Variants in MVB12B observed in about 807,000 individuals in gnomAD.
The protein encoded by MVB12B is multivesicular body subunit 12B, also known as ESCRT-I complex subunit MVB12B.
MVB12B carries 16 observed loss-of-function variants against 41.6 expected under a neutral mutation model. The observed-to-expected ratio is 0.38, with a 90% confidence interval of 0.26 to 0.58. The LOEUF (loss-of-function observed/expected upper bound fraction) is 0.58. Among genes scored for constraint, MVB12B ranks in the 20% least tolerant of loss-of-function variants. The pLI is 0.62. For missense variants in MVB12B, 274 were observed against 380.2 expected, an observed-to-expected ratio of 0.72 and a Z score of 2.32; for synonymous variants, 133 against 139.7, an observed-to-expected ratio of 0.95 and a Z score of 0.34.
At position 126,389,477 on chromosome 9, in the gene MVB12B, TG is replaced by T. The variant is rs1427819865; in HGVS notation, c.410-2588del. 6.6e-6 allele frequency among the ~76,000 whole-genome samples: 1 copy of T among 152,236 alleles called. No individual in the cohort carries two copies. Among genetic ancestry groups the T allele is most frequent in the Non-Finnish European group, 1.5e-5 (1 of 68,038 alleles). Reference sequence around the variant, plus strand: ...CTTTCTCTGTGTTCATTAGCATGACTGAACACATTTCTATTGACTATGTATA... The same window carrying T: ...CTTTCTCTGTGTTCATTAGCATGACTAACACATTTCTATTGACTATGTATA... On this transcript the variant is annotated intron_variant, in intron 4 of 9. Transcript: ENST00000361171. This position sits in a 1 kb window ranked among gnomAD's most constrained non-coding sequence, Gnocchi z 4.4.
At chr9:126,413,415 C>T (rs188491127) in intron 6 of MVB12B, among the ~76,000 whole-genome samples, 101 of 152,240 alleles carry the variant, frequency 6.6e-4, no homozygotes, top group African/African-American at 2.0e-3. Context: ...GACAGGTACA[C>T]GCTGTAAACA....
At chr9:126,491,062 T>C (rs1479734334) in intron 9 of MVB12B, among the ~76,000 whole-genome samples, 2 of 152,350 alleles carry the variant, frequency 1.3e-5, no homozygotes, top group Middle Eastern at 3.4e-3. Flanking sequence ...CTGACATCTT[T>C]ATGTGTTTGT....
In MVB12B at chr9:126,478,400, C is replaced by T. The variant is rs73583117; in HGVS notation, c.758-2969C>T. Among the ~76,000 whole-genome samples, 2,317 of 152,250 alleles carry T rather than the reference C, an allele frequency of 0.015. 37 individuals carry two copies. The highest frequency in any genetic ancestry group is 0.044 in the African/African-American group (1,823 of 41,540). On this transcript the variant is annotated intron_variant, in intron 7 of 9. Coordinates refer to ENST00000361171, the MANE Select transcript of MVB12B (RefSeq NM_033446.3). The surrounding 1 kb of genome is among the most constrained non-coding windows in gnomAD (Gnocchi z 4.2). ...CCCTGTCCAGCACAGCCCCTGAGCC[C>T]CCAGGCCCTGCCCCTGGGCTGGGGA...
chr9:126,463,984 C>A (rs142365306), intron 7 of MVB12B, among the ~76,000 whole-genome samples: 5 of 152,308 alleles, frequency 3.3e-5, no homozygotes, highest in Non-Finnish European at 7.4e-5. Flanking sequence ...GGAATGTCCC[C>A]GTTTCACAGA....
chr9:126,463,555 T>C (rs1410846108), intron 7 of MVB12B, among the ~76,000 whole-genome samples: 1 of 152,168 alleles, frequency 6.6e-6, no homozygotes, highest in East Asian at 1.9e-4. Context: ...AGGTCTCTCT[T>C]TATTTGGTCT....
rs1441975670 is a variant in MVB12B, at chr9:126,376,767, C to T, written c.205-4297C>T. 27 of 1,216,556 alleles carry T rather than the reference C, an allele frequency of 2.2e-5. 1 individual carries two copies. Among genetic ancestry groups the T allele is most frequent in the Middle Eastern group, 3.1e-4 (1 of 3,242 alleles). The allele number at this position is 1,216,556 out of a possible 1,614,324, so 75.4% of individuals were successfully genotyped here. A position where few individuals can be genotyped will look rare whatever the true frequency, so the allele number is the denominator to read the frequency against. On this transcript the variant is annotated intron_variant, in intron 2 of 9. Coordinates refer to ENST00000361171, the MANE Select transcript of MVB12B (RefSeq NM_033446.3). The surrounding 1 kb of genome is among the most constrained non-coding windows in gnomAD (Gnocchi z 4.1). ...ACCTCCAGCCTCCTTCCCCACCTGC[C>T]GGGCTTGTAGAGTCCTGAGCTGTGC...
intron 6 of MVB12B, among the ~76,000 whole-genome samples, chr9:126,407,684 C>A (rs1040229793): frequency 3.3e-5 from 5 of 151,970 alleles, no homozygotes; most frequent in Non-Finnish European, 7.4e-5. Context: ...GCGAGGGGGG[C>A]GACAGGGAAT....
At position 126,486,011 on chromosome 9, in the gene MVB12B, A is replaced by T. The variant is rs1445383192; in HGVS notation, c.873+1979A>T. 1.3e-5 allele frequency among the ~76,000 whole-genome samples: 2 copies of T among 152,140 alleles called. No homozygotes were observed. Among genetic ancestry groups the T allele is most frequent in the Non-Finnish European group, 2.9e-5 (2 of 68,034 alleles). ...GGGGTTTTCTCTTGTGTACCCAGCT[A>T]GCAGAAGCCGGCTGCATTATTGAAA... is the stretch of plus-strand genomic sequence containing the variant. On this transcript the variant is annotated intron_variant, in intron 9 of 9. Coordinates refer to ENST00000361171, the MANE Select transcript of MVB12B (RefSeq NM_033446.3). This position sits in a 1 kb window ranked among gnomAD's most constrained non-coding sequence, Gnocchi z 4.7.
intron 4 of MVB12B, among the ~76,000 whole-genome samples, chr9:126,387,260 T>C (rs1247063259): frequency 6.6e-6 from 1 of 152,210 alleles, no homozygotes; most frequent in Non-Finnish European, 1.5e-5. Context: ...TAAATGGTGC[T>C]GGAAAACCTC....
At chr9:126,348,204 A>G (rs1829650953) in intron 2 of MVB12B, among the ~76,000 whole-genome samples, 1 of 152,208 alleles carries the variant, frequency 6.6e-6, no homozygotes, top group African/African-American at 2.4e-5. Flanking sequence ...TTAAGCTGAG[A>G]TTTACTGAAA....
chr9:126,359,590 G>C (rs1434424817), intron 2 of MVB12B, among the ~76,000 whole-genome samples: 1 of 152,134 alleles, frequency 6.6e-6, no homozygotes, highest in East Asian at 1.9e-4. Context: ...GTGTCATTCA[G>C]GTTATCTATT....
At position 126,478,739 on chromosome 9, in the gene MVB12B, C is replaced by T. The variant is rs1393972927; in HGVS notation, c.758-2630C>T. On this transcript the variant is annotated intron_variant, in intron 7 of 9. Coordinates refer to ENST00000361171, the MANE Select transcript of MVB12B (RefSeq NM_033446.3). This position sits in a 1 kb window ranked among gnomAD's most constrained non-coding sequence, Gnocchi z 4.2. The stretch of plus-strand genomic sequence containing the variant: ...CTAGGGAGGCCTCCCATGGGAGGAG[C>T]CCCCTTCCTCTCTGCCACCCCCAGT... 6.6e-6 allele frequency among the ~76,000 whole-genome samples: 1 copy of T among 152,066 alleles called. No homozygotes were observed. Among genetic ancestry groups the T allele is most frequent in the African/African-American group, 2.4e-5 (1 of 41,420 alleles).
chr9:126,368,973 C>T (rs12376637), intron 2 of MVB12B, among the ~76,000 whole-genome samples: 6,719 of 152,196 alleles, frequency 0.044, 179 homozygotes, highest in Middle Eastern at 0.075. Context: ...TTTCTAGACT[C>T]GCGTGTGTAG....
intron 6 of MVB12B, among the ~76,000 whole-genome samples, chr9:126,401,488 C>G (rs992564582): frequency 3.3e-5 from 5 of 152,260 alleles, no homozygotes; most frequent in Non-Finnish European, 7.3e-5. Flanking sequence ...CTGTCACATG[C>G]ATTTAGTCTT....
chr9:126,424,063 G>C (rs1832101161), intron 7 of MVB12B, among the ~76,000 whole-genome samples: 3 of 152,152 alleles, frequency 2.0e-5, no homozygotes, highest in Admixed American at 6.5e-5. Flanking sequence ...TGAGCCTTTG[G>C]TGCAGACTCC....
rs1196498870 is a variant in MVB12B at position 126,486,658 on chromosome 9, G to T, written c.873+2626G>T. ...CGTTTAAGCACCTGCTGTGTGCTCA[G>T]CCTGGGGCCTGAGGCTTTCCATACG... On this transcript the variant is annotated intron_variant, in intron 9 of 9. Transcript: ENST00000361171. The surrounding 1 kb of genome is among the most constrained non-coding windows in gnomAD (Gnocchi z 4.7). Among the ~76,000 whole-genome samples, 3 of 152,242 alleles carry T rather than the reference G, an allele frequency of 2.0e-5. No individual in the cohort carries two copies. The highest frequency in any genetic ancestry group is 2.0e-4 in the Admixed American group (3 of 15,286).
intron 6 of MVB12B, among the ~76,000 whole-genome samples, chr9:126,409,299 CTGTGTGTGTGTGTGTGTGTGTG>C (rs61211126): frequency 4.1e-4 from 57 of 138,118 alleles, no homozygotes; most frequent in Middle Eastern, 3.6e-3. Context: ...GTGAGTAACT[CTGTGTGTGTGTGTGTGTGTGTG>C]TGTGTGTGTG....
chr9:126,375,100 T>C (rs984939912), intron 2 of MVB12B, among the ~76,000 whole-genome samples: 1 of 152,214 alleles, frequency 6.6e-6, no homozygotes, highest in African/African-American at 2.4e-5. Flanking sequence ...TTCTTGATTA[T>C]TTTCTTCTCT....
chr9:126,414,411 G>A (rs182690088), intron 6 of MVB12B, among the ~76,000 whole-genome samples: 88 of 152,340 alleles, frequency 5.8e-4, no homozygotes, highest in African/African-American at 2.1e-3. Context: ...GGGCAGTTCC[G>A]TGGGCAGGGG....
Sources: gnomAD v4.1 joint callset for allele counts (sites outside exome capture counted in the v4.1 genomes callset) on GRCh38, gnomAD v4.1.1 for gene constraint, Gnocchi (gnomAD v3.1) non-coding constraint, MANE v1.5 for transcripts, NCBI Gene and HGNC (gene_info 2026-07-23, HGNC 2026-07-21) for gene names.